Variants in PUS3 observed in about 807,000 individuals in gnomAD.
PUS3 encodes tRNA pseudouridine(38/39) synthase.
Under a neutral mutation model 43.3 loss-of-function variants are expected in PUS3, and 36 were observed. The observed-to-expected ratio is 0.83, with a 90% CI of 0.64 to 1.10. The LOEUF is 1.10. Ranked by LOEUF, PUS3 falls within the 50% of genes least tolerant of loss-of-function variation. The probability of loss-of-function intolerance (pLI) is 0.00; values close to 1 mark genes in which losing one functional copy is unlikely to be tolerated. For missense variants in PUS3, 544 were observed against 589.9 expected (o/e 0.92, Z 0.81); for synonymous variants, 183 against 199.2 (o/e 0.92, Z 0.69).
Position 125,893,636 on chromosome 11 carries a change from C to A in PUS3, c.*149G>T. On this transcript the variant is annotated 3_prime_UTR_variant, in exon 4 of 4. Transcript: ENST00000227474. ...AAATTTCTTATTAAAGCAATAACTT[C>A]CTTAATAGGGCTTTAGTCTTTTTGC... 1.6e-6 allele frequency: 1 copy of A among 619,766 alleles called. No individual in the cohort carries two copies. The highest frequency in any genetic ancestry group is 2.6e-6 in the Non-Finnish European group (1 of 381,226). The allele number at this position is 619,766 out of a possible 1,614,324, so 38.4% of individuals were successfully genotyped here. A position where few individuals can be genotyped will look rare whatever the true frequency, so the allele number is the denominator to read the frequency against.
Position 125,895,713 on chromosome 11 carries a change from T to G in PUS3, c.455A>C (p.Asn152Thr). The part of the protein sequence containing the change: ...SEDFNVKEEA[N>T]AAAEEIRYTH... ...ATAACGGATCTCTTCAGCAGCAGCA[T>G]TAGCCTCCTCTTTTACATTAAAGTC... Residue 152 changes from asparagine (N) to threonine (T), a missense_variant, in exon 3 of 4, where the codon AAT becomes ACT. Physicochemically the swap from Asn to Thr is moderately conservative, Grantham distance 65. Transcript: ENST00000227474. The G allele has an allele frequency of 6.2e-7, 1 of 1,613,840 alleles. No individual in the cohort carries two copies. Among genetic ancestry groups the G allele is most frequent in the Non-Finnish European group, 8.5e-7 (1 of 1,179,988 alleles).
Position 125,893,957 on chromosome 11 carries a change from G to T in PUS3, c.1274C>A (p.Ser425Tyr), listed in dbSNP as rs1273100414. ...CCTACGTACAAAATGCTGGATCCGGGATTCCAGTCCTTGGCATTTAGGACG... is the reference window on the plus strand; with the variant it reads ...CCTACGTACAAAATGCTGGATCCGGTATTCCAGTCCTTGGCATTTAGGACG... ...MDRPKCQGLESRIQHFVRRGR... is the reference protein window; with the variant it reads ...MDRPKCQGLEYRIQHFVRRGR... Residue 425 changes from serine to tyrosine, a missense_variant, in exon 4 of 4, where the codon TCC (serine) becomes TAC (tyrosine). Ser to Tyr is a moderately radical substitution (Grantham distance 144). Transcript: ENST00000227474. 4 of 1,614,134 alleles carry T rather than the reference G, an allele frequency of 2.5e-6. No homozygotes were observed. Among genetic ancestry groups the T allele is most frequent in the Admixed American group, 1.7e-5 (1 of 60,016 alleles).
intron 1 of PUS3, 72 bp from the exon 2 acceptor site, chr11:125,896,402 A>T: frequency 1.0e-6 from 1 of 988,672 alleles, no homozygotes. Flanking sequence ...GGTATATAAG[A>T]TTTAATTTAA....
chr11:125,900,310 A>G, intron 1 of PUS3: 3 of 1,569,036 alleles, frequency 1.9e-6, no homozygotes, highest in Non-Finnish European at 2.6e-6. Flanking sequence ...GAGATAACCT[A>G]GCTCTTTATA....
intron 3 of PUS3, 44 bp from the exon 4 acceptor site, chr11:125,894,330 A>C: frequency 6.7e-7 from 1 of 1,489,682 alleles, no homozygotes; most frequent in Non-Finnish European, 9.1e-7. Context: ...CATAACATCC[A>C]TCTAACAGTT....
At chr11:125,902,285 C>G (rs1401924301) in intron 1 of PUS3, among the ~76,000 whole-genome samples, 1 of 151,068 alleles carries the variant, frequency 6.6e-6, no homozygotes, top group Admixed American at 6.6e-5. Flanking sequence ...CAAACTAAAA[C>G]GGCCATCACC....
rs373476735 is a variant in PUS3, at chr11:125,893,862, G to A, written c.1369C>T (p.Leu457=). 10 of 1,613,890 alleles carry A rather than the reference G, an allele frequency of 6.2e-6. No individual in the cohort carries two copies. The highest frequency in any genetic ancestry group is 7.6e-6 in the Non-Finnish European group (9 of 1,179,968). ...TCCAAATTAGTATTCTCTTCCTCTAGTGTGTCATTACAGTCCCTTTTGGCT... is the reference window on the plus strand; with the variant it reads ...TCCAAATTAGTATTCTCTTCCTCTAATGTGTCATTACAGTCCCTTTTGGCT... ...TKAKRDCNDT[L]EEENTNLETP... is the part of the protein sequence containing the mutation. Residue 457 remains leucine, a synonymous_variant, in exon 4 of 4, where the codon CTA becomes TTA. Transcript: ENST00000227474.
intron 1 of PUS3, among the ~76,000 whole-genome samples, chr11:125,897,703 T>C (rs1399440289): frequency 6.6e-6 from 1 of 152,156 alleles, no homozygotes; most frequent in Non-Finnish European, 1.5e-5. Flanking sequence ...AAAGACAAAG[T>C]TTGATAGTAT....
intron 1 of PUS3, chr11:125,899,266 A>C: frequency 2.0e-6 from 2 of 992,352 alleles, no homozygotes; most frequent in Non-Finnish European, 3.1e-6. Context: ...TGACTGCTAT[A>C]AAACGGAGAT....
At position 125,894,032 on chromosome 11, in the gene PUS3, C is replaced by G. The variant is rs374214672; in HGVS notation, c.1199G>C (p.Ser400Thr). 3 of 1,614,192 alleles carry G rather than the reference C, an allele frequency of 1.9e-6. No individual in the cohort carries two copies. The Admixed American group carries it at 5.0e-5, about 27-fold the overall frequency. ...NVKPSVIKQT[S>T]AFVEGVKMRT... ...CATCTTCACTCCTTCTACAAAGGCACTGGTCTGCTTTATGACAGAGGGCTT... is the reference window on the plus strand; with the variant it reads ...CATCTTCACTCCTTCTACAAAGGCAGTGGTCTGCTTTATGACAGAGGGCTT... Residue 400 changes from serine (S) to threonine (T), a missense_variant, in exon 4 of 4, where the codon AGT becomes ACT. By Grantham distance (58) the Ser-to-Thr change is moderately conservative. Transcript: ENST00000227474.
rs1370102177 is a variant in PUS3, at chr11:125,896,276, A to G, written c.9T>C (p.Tyr3=). 7.5e-6 allele frequency: 12 copies of G among 1,604,922 alleles called. No homozygotes were observed. In the African/African-American group the frequency reaches 1.6e-4, roughly 22 times the overall value. MA[Y]NDTDRNQTEK... is the part of the protein sequence containing the mutation. ...CAGTCTGGTTTCTGTCTGTGTCATTATAAGCCATGATATGACAACCCCAGG... is the reference window on the plus strand; with the variant it reads ...CAGTCTGGTTTCTGTCTGTGTCATTGTAAGCCATGATATGACAACCCCAGG... The change falls in exon 2 of 4, where the codon TAT becomes TAC. Residue 3 remains tyrosine, a synonymous_variant. Transcript: ENST00000227474.
chr11:125,899,448 T>A (rs201029610), intron 1 of PUS3: 520 of 1,614,204 alleles, frequency 3.2e-4, no homozygotes, highest in Admixed American at 1.6e-3. Flanking sequence ...GCTACAGCTT[T>A]TACCCACATC....
At chr11:125,900,346 G>A (rs1262752750) in intron 1 of PUS3, 10 of 1,394,912 alleles carry the variant, frequency 7.2e-6, no homozygotes, top group Non-Finnish European at 1.0e-5. Flanking sequence ...AGAAACAACT[G>A]TCTTGAGAAG....
At position 125,896,077 on chromosome 11, in the gene PUS3, C is replaced by G. The variant is rs942910890; in HGVS notation, c.208G>C (p.Ala70Pro). 6 of 1,614,092 alleles carry G rather than the reference C, an allele frequency of 3.7e-6. No individual in the cohort carries two copies. The African/African-American group carries it at 4.0e-5, about 11-fold the overall frequency. ...HGRRHVALRI[A>P]YMGWGYQGFA... is the part of the protein sequence containing the mutation. The stretch of plus-strand genomic sequence containing the variant: ...CCCTGGTATCCCCAGCCCATATAGG[C>G]TATTCTTAGGGCTACGTGTCTTCGG... Residue 70 changes from alanine to proline, a missense_variant, in exon 2 of 4, where the codon GCC (alanine) becomes CCC (proline). Coordinates refer to ENST00000227474, the MANE Select transcript of PUS3 (RefSeq NM_031307.4).
At chr11:125,899,858 T>G (rs1342204525) in intron 1 of PUS3, 1 of 1,614,184 alleles carries the variant, frequency 6.2e-7, no homozygotes, top group Non-Finnish European at 8.5e-7. Context: ...CCAAGGAATT[T>G]CTCAAGATCA....
At chr11:125,900,096 A>G (rs1591508358) in intron 1 of PUS3, 2 of 1,614,186 alleles carry the variant, frequency 1.2e-6, no homozygotes, top group Non-Finnish European at 1.7e-6. Flanking sequence ...GGTGTCCGAG[A>G]GCAGATGCTT....
intron 1 of PUS3, chr11:125,900,039 A>C: frequency 6.2e-7 from 1 of 1,614,172 alleles, no homozygotes; most frequent in Non-Finnish European, 8.5e-7. Context: ...CGGGACTGGG[A>C]CTCAATACGT....
chr11:125,898,132 T>C (rs774478995), intron 1 of PUS3, among the ~76,000 whole-genome samples: 13 of 152,196 alleles, frequency 8.5e-5, no homozygotes, highest in Admixed American at 3.3e-4. Flanking sequence ...GGAAAATTTC[T>C]AGATAAATCA....
rs995108106 is a variant in PUS3, at chr11:125,893,563, C to T, written c.*222G>A. The T allele has an allele frequency of 1.7e-5, 7 of 415,150 alleles. No individual in the cohort carries two copies. Among genetic ancestry groups the T allele is most frequent in the African/African-American group, 4.1e-5 (2 of 48,302 alleles). 25.7% of individuals were successfully genotyped at this position (415,150 alleles called of 1,614,324 possible). On this transcript the variant is annotated 3_prime_UTR_variant, in exon 4 of 4. Transcript: ENST00000227474. ...TGTATGTAAATACATCTCCATTTTA[C>T]GTTCTTTAATCGCTTAATCCTTTTG...
Sources: gnomAD v4.1 joint callset for allele counts (sites outside exome capture counted in the v4.1 genomes callset) on GRCh38, gnomAD v4.1.1 for gene constraint, MANE v1.5 for transcripts, NCBI Gene and HGNC (gene_info 2026-07-23, HGNC 2026-07-21) for gene names.